The following FRAS1 variants were observed in gnomAD, a reference collection of about 807,000 sequenced individuals.
The protein encoded by FRAS1 is Fraser extracellular matrix complex subunit 1, also known as extracellular matrix organizing protein FRAS1.
Under a neutral mutation model 435.2 loss-of-function variants are expected in FRAS1, and 290 were observed. The ratio of observed to expected loss-of-function variants is 0.67; its 90% CI spans 0.61 to 0.73. The LOEUF is 0.73. Among genes scored for constraint, FRAS1 ranks in the 30% least tolerant of loss-of-function variants. FRAS1 has a pLI of 0.00. For synonymous variants in FRAS1, 1,800 were observed against 1,851.0 expected (o/e 0.97, Z 0.71); for missense variants, 4,860 against 5,001.5 (o/e 0.97, Z 0.85).
At chr4:78,189,907 T>C (rs1304985371) in intron 2 of FRAS1, among the ~76,000 whole-genome samples, 2 of 105,646 alleles carry the variant, frequency 1.9e-5, no homozygotes, top group African/African-American at 8.0e-5. Context: ...CCACATCCAA[T>C]GCATATAAAT....
At chr4:78,490,788 A>G (rs1307503597) in intron 59 of FRAS1, among the ~76,000 whole-genome samples, 1 of 152,226 alleles carries the variant, frequency 6.6e-6, no homozygotes, top group Admixed American at 6.5e-5. Context: ...TCAGAAGACA[A>G]GAAATAATTA....
intron 2 of FRAS1, among the ~76,000 whole-genome samples, chr4:78,235,958 A>AAAACC (rs1486877036): frequency 5.9e-5 from 9 of 152,186 alleles, no homozygotes; most frequent in Non-Finnish European, 1.3e-4. Flanking sequence ...AAAACAAAAC[A>AAAACC]AAACAACAGT....
rs1314681308 is a variant in FRAS1 at position 78,337,912 on chromosome 4, G to A, written c.2422+95G>A. The A allele has an allele frequency of 4.8e-6, 6 of 1,244,926 alleles. No individual in the cohort carries two copies. In the African/African-American group the frequency reaches 7.4e-5, roughly 15 times the overall value. The allele number at this position is 1,244,926 out of a possible 1,614,324, so 77.1% of individuals were successfully genotyped here. A position where few individuals can be genotyped will look rare whatever the true frequency, so the allele number is the denominator to read the frequency against. ...AGGGGGCTCTTTGTCCTCAGTTTAT[G>A]AGCTCTTTTATAGGAGACATTTGTT... is the stretch of plus-strand genomic sequence containing the variant. On this transcript the variant is annotated intron_variant, in intron 20 of 73. Coordinates refer to ENST00000512123, the MANE Select transcript of FRAS1 (RefSeq NM_025074.7).
intron 2 of FRAS1, among the ~76,000 whole-genome samples, chr4:78,168,290 C>T (rs1721415233): frequency 6.6e-6 from 1 of 152,130 alleles, no homozygotes; most frequent in South Asian, 2.1e-4. Flanking sequence ...TGCCCTGCTG[C>T]TCTTACTCAG....
intron 27 of FRAS1, among the ~76,000 whole-genome samples, chr4:78,381,939 G>A (rs1418694044): frequency 6.6e-6 from 1 of 152,148 alleles, no homozygotes; most frequent in Non-Finnish European, 1.5e-5. Context: ...AAACGAGGTT[G>A]GTAGAAACCC....
chr4:78,181,301 T>C, intron 2 of FRAS1: 2 of 1,607,096 alleles, frequency 1.2e-6, no homozygotes, highest in Non-Finnish European at 8.5e-7. Context: ...CACTGGATGA[T>C]GTTCTTCACC....
chr4:78,094,598 G>A (rs926011410), intron 2 of FRAS1, among the ~76,000 whole-genome samples: 1 of 151,654 alleles, frequency 6.6e-6, no homozygotes, highest in Non-Finnish European at 1.5e-5. Flanking sequence ...CTCTTTTTTG[G>A]TGAAAATTTT....
intron 2 of FRAS1, 115 bp downstream of exon 2, chr4:78,066,131 C>T (rs4859906): frequency 2.6e-6 from 2 of 770,040 alleles, no homozygotes; most frequent in Non-Finnish European, 2.3e-6. Flanking sequence ...TTTTCTTCAA[C>T]GTTTGACAAT....
rs765896031 is a variant in FRAS1 at position 78,469,439 on chromosome 4, A to G, written c.7258-539A>G. ...CTGATTTCTTCTGCCCCTCACCCTC[A>G]TATAGAGAGCTCTCCCTTAAAACAG... On this transcript the variant is annotated intron_variant, in intron 50 of 73. Transcript: ENST00000512123. Among the ~76,000 whole-genome samples, 6 of 152,274 alleles carry G rather than the reference A, an allele frequency of 3.9e-5. No individual in the cohort carries two copies. In the Middle Eastern group the frequency reaches 0.01, roughly 259 times the overall value.
intron 2 of FRAS1, among the ~76,000 whole-genome samples, chr4:78,168,867 C>A (rs938237724): frequency 6.6e-6 from 1 of 151,970 alleles, no homozygotes; most frequent in East Asian, 1.9e-4. Flanking sequence ...CTTCTTGGGG[C>A]CATTGTATCT....
intron 4 of FRAS1, among the ~76,000 whole-genome samples, chr4:78,247,006 C>A (rs1036098031): frequency 9.9e-5 from 15 of 152,188 alleles, no homozygotes; most frequent in African/African-American, 3.6e-4. Context: ...TCAATAAACA[C>A]AGGTGAATAA....
intron 2 of FRAS1, among the ~76,000 whole-genome samples, chr4:78,104,310 G>A (rs1357945085): frequency 6.6e-6 from 1 of 152,114 alleles, no homozygotes; most frequent in Non-Finnish European, 1.5e-5. Flanking sequence ...TCCATAATAT[G>A]CAAACAATTT....
intron 2 of FRAS1, among the ~76,000 whole-genome samples, chr4:78,149,216 C>T (rs1720544086): frequency 6.6e-6 from 1 of 152,200 alleles, no homozygotes; most frequent in African/African-American, 2.4e-5. Flanking sequence ...GTTTTGGTTA[C>T]TAGACCCAGG....
chr4:78,137,498 T>A (rs1010127706), intron 2 of FRAS1, among the ~76,000 whole-genome samples: 46 of 152,250 alleles, frequency 3.0e-4, no homozygotes, highest in African/African-American at 1.1e-3. Context: ...GCCATCTTAA[T>A]TATGTTAATA....
intron 50 of FRAS1, among the ~76,000 whole-genome samples, chr4:78,469,388 C>T (rs1337774913): frequency 1.3e-5 from 2 of 152,126 alleles, no homozygotes; most frequent in Non-Finnish European, 2.9e-5. Context: ...ATTTCCTTTT[C>T]GCTATTACCA....
intron 2 of FRAS1, chr4:78,070,546 C>T (rs1740290514): frequency 6.6e-6 from 1 of 152,124 alleles, no homozygotes; most frequent in Admixed American, 6.5e-5. Context: ...CTCCATAATA[C>T]CCATGCACCC....
At chr4:78,366,513 A>G (rs1365176865) in intron 22 of FRAS1, among the ~76,000 whole-genome samples, 2 of 152,222 alleles carry the variant, frequency 1.3e-5, no homozygotes, top group Non-Finnish European at 2.9e-5. Context: ...TCTCTGTGCC[A>G]TGTAGACCCA....
At position 78,379,906 on chromosome 4, in the gene FRAS1, A is replaced by G. The variant is rs764651138; in HGVS notation, c.3473A>G (p.Lys1158Arg). ...CAGCTAGTGCTCTCAAGAAATGGAAAAGAGGTTCAGCTGGACAAGGCTGGC... is the reference window on the plus strand; with the variant it reads ...CAGCTAGTGCTCTCAAGAAATGGAAGAGAGGTTCAGCTGGACAAGGCTGGC... ...NGQLVLSRNG[K>R]EVQLDKAGRF... Residue 1158 changes from lysine to arginine, a missense_variant, in exon 27 of 74, where the codon AAA becomes AGA. Coordinates refer to ENST00000512123, the MANE Select transcript of FRAS1 (RefSeq NM_025074.7). The G allele has an allele frequency of 6.2e-7, 1 of 1,613,818 alleles. No individual in the cohort carries two copies. The highest frequency in any genetic ancestry group is 1.1e-5 in the South Asian group (1 of 91,070).
At chr4:78,155,157 G>T (rs1053010981) in intron 2 of FRAS1, among the ~76,000 whole-genome samples, 2 of 152,178 alleles carry the variant, frequency 1.3e-5, no homozygotes, top group Non-Finnish European at 2.9e-5. Context: ...TGTAGTCCTA[G>T]CACCTAGGAC....
Sources: gnomAD v4.1 joint callset for allele counts (sites outside exome capture counted in the v4.1 genomes callset) on GRCh38, gnomAD v4.1.1 for gene constraint, MANE v1.5 for transcripts, NCBI Gene and HGNC (gene_info 2026-07-23, HGNC 2026-07-21) for gene names.